RIMS2: variants seen among roughly 807,000 people sequenced by gnomAD.
RIMS2 encodes regulating synaptic membrane exocytosis 2.
A neutral mutation model predicts 174.4 loss-of-function variants in RIMS2; 59 were observed. The ratio of observed to expected loss-of-function variants is 0.34; its 90% CI spans 0.27 to 0.42. The LOEUF is 0.42. Among genes scored for constraint, RIMS2 ranks in the 10% least tolerant of loss-of-function variants. The pLI, the probability that RIMS2 is intolerant of heterozygous loss-of-function variation, is 1.00. For synonymous variants in RIMS2, 606 were observed against 572.5 expected (o/e 1.06, Z -0.84); for missense variants, 1,620 against 1,666.3 (o/e 0.97, Z 0.48).
At chr8:104,057,051 C>A (rs1287109780) in intron 19 of RIMS2, among the ~76,000 whole-genome samples, 3 of 146,362 alleles carry the variant, frequency 2.0e-5, no homozygotes, top group African/African-American at 7.4e-5. Context: ...ATCCTTTTTT[C>A]TTTTTCTTTT....
chr8:103,911,496 A>T (rs995962873), intron 5 of RIMS2, among the ~76,000 whole-genome samples: 2 of 152,152 alleles, frequency 1.3e-5, no homozygotes, highest in Non-Finnish European at 2.9e-5. Flanking sequence ...CTGGGAATTT[A>T]TTGGGGCTTG....
At chr8:104,159,700 T>C (rs577614588) in intron 19 of RIMS2, among the ~76,000 whole-genome samples, 2 of 152,362 alleles carry the variant, frequency 1.3e-5, no homozygotes, top group African/African-American at 4.8e-5. Flanking sequence ...TCTTTTCATA[T>C]GCTCATAGAT....
At chr8:103,584,752 C>A (rs1392455651) in intron 1 of RIMS2, among the ~76,000 whole-genome samples, 1 of 151,940 alleles carries the variant, frequency 6.6e-6, no homozygotes, top group Non-Finnish European at 1.5e-5. Context: ...AAATAAAAAG[C>A]AAGAAACTAA....
At chr8:103,833,403 T>C (rs2154480622) in intron 3 of RIMS2, among the ~76,000 whole-genome samples, 1 of 152,262 alleles carries the variant, frequency 6.6e-6, no homozygotes, top group South Asian at 2.1e-4. Context: ...AAATTTATGT[T>C]CTTTTTTAAA....
chr8:103,563,409 T>C (rs2091907260), intron 1 of RIMS2, among the ~76,000 whole-genome samples: 1 of 152,192 alleles, frequency 6.6e-6, no homozygotes, highest in Non-Finnish European at 1.5e-5. Flanking sequence ...GGTAAAATGC[T>C]GCGTCTCTTT....
chr8:103,904,096 T>C (rs76438543), intron 4 of RIMS2, among the ~76,000 whole-genome samples: 24,977 of 152,042 alleles, frequency 0.16, 2,179 homozygotes, highest in Middle Eastern at 0.26. Flanking sequence ...TAATGACATC[T>C]TACTCCTTCT....
intron 14 of RIMS2, among the ~76,000 whole-genome samples, chr8:103,956,570 C>A (rs1030038419): frequency 6.6e-6 from 1 of 152,132 alleles, no homozygotes; most frequent in African/African-American, 2.4e-5. Flanking sequence ...GAAACTAGAT[C>A]CTTTCCTGAC....
intron 19 of RIMS2, among the ~76,000 whole-genome samples, chr8:104,090,278 A>T (rs1331599311): frequency 6.6e-6 from 1 of 151,766 alleles, no homozygotes; most frequent in Non-Finnish European, 1.5e-5. Flanking sequence ...AAATTGGATG[A>T]TCTGAGAAGT....
intron 19 of RIMS2, among the ~76,000 whole-genome samples, chr8:104,026,499 A>G (rs1241792236): frequency 2.0e-5 from 3 of 152,166 alleles, no homozygotes; most frequent in African/African-American, 7.2e-5. Flanking sequence ...ACTAAAGCCT[A>G]CCGTATCACC....
chr8:104,065,032 A>C (rs181314235), intron 19 of RIMS2, among the ~76,000 whole-genome samples: 1 of 152,198 alleles, frequency 6.6e-6, no homozygotes, highest in Non-Finnish European at 1.5e-5. Context: ...CTCTAAACCT[A>C]TAAACCGTCA....
At chr8:104,184,363 G>A (rs1442896985) in intron 19 of RIMS2, among the ~76,000 whole-genome samples, 4 of 151,356 alleles carry the variant, frequency 2.6e-5, no homozygotes, top group African/African-American at 9.7e-5. Context: ...TATTCTTAAG[G>A]TATCTATACT....
At chr8:104,194,811 T>C (rs1175780462) in intron 19 of RIMS2, among the ~76,000 whole-genome samples, 1 of 152,128 alleles carries the variant, frequency 6.6e-6, no homozygotes, top group Admixed American at 6.5e-5. Context: ...CCTGAACATA[T>C]TAGTAGAAAA....
chr8:104,023,504 G>A (rs999594519), intron 19 of RIMS2, among the ~76,000 whole-genome samples: 1 of 152,086 alleles, frequency 6.6e-6, no homozygotes, highest in Non-Finnish European at 1.5e-5. Flanking sequence ...AAAAGAGAAA[G>A]AAAGATTCAA....
intron 1 of RIMS2, among the ~76,000 whole-genome samples, chr8:103,667,630 T>C (rs1398242223): frequency 6.6e-6 from 1 of 152,228 alleles, no homozygotes; most frequent in African/African-American, 2.4e-5. Flanking sequence ...AATAAAAGTA[T>C]ACTTCATGAG....
At chr8:103,910,149 A>G (rs773706838) in exon 5 of RIMS2, 3 of 1,610,878 alleles carry the variant, frequency 1.9e-6, no homozygotes, top group East Asian at 4.5e-5. Context: ...ATGGATTACA[A>G]CTGGTTGGAT....
chr8:104,092,489 T>C (rs2097678813), intron 19 of RIMS2, among the ~76,000 whole-genome samples: 2 of 152,042 alleles, frequency 1.3e-5, no homozygotes, highest in Middle Eastern at 3.4e-3. Flanking sequence ...AGAATACTGT[T>C]ACATCACCAA....
At chr8:103,761,091 A>G (rs572273926) in intron 2 of RIMS2, among the ~76,000 whole-genome samples, 1 of 152,296 alleles carries the variant, frequency 6.6e-6, no homozygotes, top group Admixed American at 6.5e-5. Flanking sequence ...TTTTAGAAAA[A>G]TCTCTGACTT....
chr8:104,151,532 C>T (rs74481777), intron 19 of RIMS2, among the ~76,000 whole-genome samples: 3,371 of 152,032 alleles, frequency 0.022, 60 homozygotes, highest in Middle Eastern at 0.14. Flanking sequence ...TTGGCTGCTG[C>T]CCTCCAGCCT....
intron 4 of RIMS2, among the ~76,000 whole-genome samples, chr8:103,894,379 C>T (rs115087153): frequency 3.3e-5 from 5 of 151,542 alleles, no homozygotes; most frequent in East Asian, 1.9e-4. Flanking sequence ...AAGAAACCTC[C>T]GTATTTCAAA....
Sources: allele counts gnomAD v4.1 joint callset (sites outside exome capture counted in the v4.1 genomes callset), GRCh38; gene constraint gnomAD v4.1.1; transcripts MANE v1.5; gene names NCBI Gene and HGNC (gene_info 2026-07-23, HGNC 2026-07-21).